MARCHF1: variants seen among roughly 807,000 people sequenced by gnomAD.
MARCHF1 encodes the protein E3 ubiquitin-protein ligase MARCHF1.
Under a neutral mutation model 54.2 loss-of-function variants are expected in MARCHF1, and 40 were observed. The observed-to-expected ratio is 0.74, with a 90% CI of 0.57 to 0.96. The LOEUF (loss-of-function observed/expected upper bound fraction) is 0.96. MARCHF1 is among the 40% of genes least tolerant of loss of function. The pLI is 0.00. For missense variants in MARCHF1, 586 were observed against 656.5 expected (o/e 0.89, Z 1.17); for synonymous variants, 236 against 236.3 (o/e 1.00, Z 0.01).
chr4:164,370,313 G>A (rs576658290), intron 1 of MARCHF1, among the ~76,000 whole-genome samples: 1 of 152,344 alleles, frequency 6.6e-6, no homozygotes, highest in African/African-American at 2.4e-5. Context: ...TCTCAGGCCT[G>A]CTGGGGGAAA....
intron 4 of MARCHF1, among the ~76,000 whole-genome samples, chr4:163,791,043 T>C (rs1487144963): frequency 1.3e-5 from 2 of 152,234 alleles, no homozygotes; most frequent in African/African-American, 4.8e-5. Context: ...TGGGAGGCTA[T>C]TCCAACAATG....
intron 8 of MARCHF1, among the ~76,000 whole-genome samples, chr4:163,556,552 A>ATTT (rs35746902): frequency 6.7e-6 from 1 of 148,342 alleles, no homozygotes; most frequent in South Asian, 2.1e-4. Context: ...AATTGAGTTG[A>ATTT]TTTTTTTTTT....
chr4:163,894,160 G>A (rs1422392719), intron 3 of MARCHF1, among the ~76,000 whole-genome samples: 1 of 152,114 alleles, frequency 6.6e-6, no homozygotes. Context: ...TAGGGACAGT[G>A]ACCTAATTTG....
chr4:164,095,224 T>C lies in MARCHF1; in HGVS notation c.-248+16364A>G, dbSNP rs75666568. On this transcript the variant is annotated intron_variant, in intron 2 of 9. Transcript: ENST00000514618. ...TTATACTCCAGGGCCTATTCCTCAT[T>C]AGCCACCACTCAATAGCATCAGGAA... 1.4e-3 allele frequency among the ~76,000 whole-genome samples: 208 copies of C among 152,164 alleles called. 2 individuals carry two copies. Among genetic ancestry groups the C allele is most frequent in the African/African-American group, 4.4e-3 (183 of 41,540 alleles).
At chr4:163,720,299 T>G (rs376892051) in intron 4 of MARCHF1, among the ~76,000 whole-genome samples, 10 of 152,298 alleles carry the variant, frequency 6.6e-5, no homozygotes, top group East Asian at 3.9e-4. Flanking sequence ...TTTCCCCATT[T>G]CTTGTTTTTG....
rs1273089935 is a variant in MARCHF1, at chr4:163,851,503, T to C, written c.111+2518A>G. 2.0e-5 allele frequency among the ~76,000 whole-genome samples: 3 copies of C among 152,220 alleles called. No individual in the cohort carries two copies. In the East Asian group the frequency reaches 5.8e-4, roughly 29 times the overall value. ...TTTGTTCATGGGTGATTCATTTTCA[T>C]CGTTTGATGAGGACAATGGCTAACC... On this transcript the variant is annotated intron_variant, in intron 4 of 9. Transcript: ENST00000514618.
intron 5 of MARCHF1, among the ~76,000 whole-genome samples, chr4:163,618,746 A>G (rs532219345): frequency 6.6e-6 from 1 of 152,306 alleles, no homozygotes; most frequent in East Asian, 1.9e-4. Flanking sequence ...TACATGATAG[A>G]TAATATGATA....
chr4:163,836,995 A>AT (rs557493983), intron 4 of MARCHF1, among the ~76,000 whole-genome samples: 18 of 152,160 alleles, frequency 1.2e-4, no homozygotes, highest in South Asian at 4.1e-4. Flanking sequence ...ATAGAAATGC[A>AT]TTTTTTGTGA....
At chr4:163,815,527 C>T (rs535018538) in intron 4 of MARCHF1, among the ~76,000 whole-genome samples, 1 of 152,200 alleles carries the variant, frequency 6.6e-6, no homozygotes, top group Non-Finnish European at 1.5e-5. Flanking sequence ...AGATGAAATT[C>T]CTCCATGAGG....
intron 5 of MARCHF1, among the ~76,000 whole-genome samples, chr4:163,616,974 G>A (rs1271956060): frequency 6.6e-6 from 1 of 152,010 alleles, no homozygotes; most frequent in African/African-American, 2.4e-5. Context: ...GATTATTGTA[G>A]CATTATTCAC....
intron 3 of MARCHF1, among the ~76,000 whole-genome samples, chr4:163,955,417 G>A (rs1752213537): frequency 6.8e-6 from 1 of 146,898 alleles, no homozygotes; most frequent in Admixed American, 6.8e-5. Flanking sequence ...GTAACATGAA[G>A]TCCACACTTC....
chr4:164,126,018 T>G (rs1756171880), intron 1 of MARCHF1, among the ~76,000 whole-genome samples: 2 of 152,336 alleles, frequency 1.3e-5, no homozygotes, highest in South Asian at 4.1e-4. Flanking sequence ...TGAGTTAATG[T>G]TGTAAGTTTG....
chr4:163,751,406 G>C (rs1188278510), intron 4 of MARCHF1, among the ~76,000 whole-genome samples: 1 of 151,646 alleles, frequency 6.6e-6, no homozygotes, highest in Non-Finnish European at 1.5e-5. Context: ...TAAATAAAAG[G>C]CATAAGGATT....
At chr4:163,746,874 T>C (rs1315663968) in intron 4 of MARCHF1, among the ~76,000 whole-genome samples, 1 of 152,212 alleles carries the variant, frequency 6.6e-6, no homozygotes, top group African/African-American at 2.4e-5. Flanking sequence ...GAGGGAATTT[T>C]GGGGATTGAG....
chr4:164,106,757 G>A (rs35360134), intron 2 of MARCHF1, among the ~76,000 whole-genome samples: 122,331 of 145,770 alleles, frequency 0.84, 51,809 homozygotes, highest in Non-Finnish European at 0.89. Context: ...CCTAAAACTT[G>A]AAGTATAATA....
intron 3 of MARCHF1, among the ~76,000 whole-genome samples, chr4:163,944,827 A>T (rs1751993581): frequency 6.6e-6 from 1 of 152,196 alleles, no homozygotes; most frequent in Admixed American, 6.5e-5. Context: ...ACAGATATCC[A>T]TGACAATTTG....
intron 4 of MARCHF1, among the ~76,000 whole-genome samples, chr4:163,712,647 T>C (rs1463546220): frequency 6.6e-6 from 1 of 152,200 alleles, no homozygotes; most frequent in Admixed American, 6.5e-5. Context: ...TGAGATGAAA[T>C]TTTAATCTTT....
intron 1 of MARCHF1, among the ~76,000 whole-genome samples, chr4:164,214,070 G>A (rs998396219): frequency 6.6e-6 from 1 of 151,390 alleles, no homozygotes; most frequent in Non-Finnish European, 1.5e-5. Flanking sequence ...CACCTACTAT[G>A]TACCCATAAA....
intron 2 of MARCHF1, among the ~76,000 whole-genome samples, chr4:163,991,913 A>G (rs761599387): frequency 6.6e-6 from 1 of 151,844 alleles, no homozygotes; most frequent in Non-Finnish European, 1.5e-5. Context: ...TATTAACTCT[A>G]ATACTCAGAC....
Sources: gnomAD v4.1 joint callset for allele counts (sites outside exome capture counted in the v4.1 genomes callset) on GRCh38, gnomAD v4.1.1 for gene constraint, MANE v1.5 for transcripts, NCBI Gene and HGNC (gene_info 2026-07-23, HGNC 2026-07-21) for gene names.